The following SESTD1 variants were observed in gnomAD, a reference collection of about 807,000 sequenced individuals.
SESTD1 encodes SEC14 domain and spectrin repeat-containing protein 1.
A neutral mutation model predicts 101.7 loss-of-function variants in SESTD1; 43 were observed. The ratio of observed to expected loss-of-function variants is 0.42; its 90% confidence interval spans 0.33 to 0.55. The LOEUF (loss-of-function observed/expected upper bound fraction) is 0.55, where lower values mean the gene tolerates loss of function less well. SESTD1 is among the 20% of genes least tolerant of loss of function. The probability of loss-of-function intolerance (pLI) is 0.07; values close to 1 mark genes in which losing one functional copy is unlikely to be tolerated. For synonymous variants in SESTD1, 283 were observed against 286.8 expected, an observed-to-expected ratio of 0.99 and a Z score of 0.13; for missense variants, 647 against 815.1, an observed-to-expected ratio of 0.79 and a Z score of 2.51.
At chr2:179,188,081 CTAA>C (rs1395146913) in intron 2 of SESTD1, among the ~76,000 whole-genome samples, 1 of 152,084 alleles carries the variant, frequency 6.6e-6, no homozygotes, top group Admixed American at 6.5e-5. Context: ...CCAACTGGAC[CTAA>C]TAGACATCTA....
At chr2:179,152,738 C>A (rs1309537325) in intron 5 of SESTD1, among the ~76,000 whole-genome samples, 1 of 152,104 alleles carries the variant, frequency 6.6e-6, no homozygotes, top group Non-Finnish European at 1.5e-5. Flanking sequence ...TGAACTCTAT[C>A]AAATTTGAGT....
chr2:179,254,085 G>A (rs1417917048), intron 1 of SESTD1, among the ~76,000 whole-genome samples: 3 of 151,596 alleles, frequency 2.0e-5, no homozygotes, highest in Non-Finnish European at 4.4e-5. Context: ...GGGTGGCAGA[G>A]TGAGACCTTG....
Position 179,210,079 on chromosome 2 carries a change from G to C in SESTD1, c.-25-18213C>G, listed in dbSNP as rs2046632495. 3.8e-5 allele frequency among the ~76,000 whole-genome samples: 5 copies of C among 132,976 alleles called. 2 individuals carry two copies. The highest frequency in any genetic ancestry group is 3.6e-4 in the Admixed American group (5 of 13,700). The allele number at this position is 132,976 out of a possible 152,430, so 87.2% of individuals were successfully genotyped here. ...TGAACACCATTATGCACACAAACTA[G>C]AAAACCCAGAGGAGATGGGTAAATT... On this transcript the variant is annotated intron_variant, in intron 1 of 17. Coordinates refer to ENST00000428443, the MANE Select transcript of SESTD1 (RefSeq NM_178123.5).
intron 1 of SESTD1, among the ~76,000 whole-genome samples, chr2:179,198,126 A>C (rs190102895): frequency 1.8e-3 from 270 of 152,314 alleles, no homozygotes; most frequent in African/African-American, 6.4e-3. Flanking sequence ...TCTACCAAGC[A>C]AATGGAAAAC....
At chr2:179,170,890 T>C (rs2045919472) in intron 5 of SESTD1, among the ~76,000 whole-genome samples, 1 of 152,232 alleles carries the variant, frequency 6.6e-6, no homozygotes. Flanking sequence ...GCGCTCTGGA[T>C]CATTCTAGAC....
intron 4 of SESTD1, 28 bp from the exon 5 acceptor site, chr2:179,172,261 A>G (rs747184182): frequency 1.4e-6 from 2 of 1,406,244 alleles, no homozygotes; most frequent in Non-Finnish European, 2.0e-6. Flanking sequence ...ATAATTACAA[A>G]TTACACATGT....
At position 179,160,393 on chromosome 2, in the gene SESTD1, A is replaced by G. The variant is rs138992680; in HGVS notation, c.370-9002T>C. ...AGCTTTGAAAATCTTCAGTGAAGTG[A>G]TTAATGAGTAAGAAATAACACCGTG... On this transcript the variant is annotated intron_variant, in intron 5 of 17. Coordinates refer to ENST00000428443, the MANE Select transcript of SESTD1 (RefSeq NM_178123.5). Among the ~76,000 whole-genome samples, 279 of 152,270 alleles carry G rather than the reference A, an allele frequency of 1.8e-3. 1 individual carries two copies. The highest frequency in any genetic ancestry group is 6.4e-3 in the African/African-American group (265 of 41,584).
intron 1 of SESTD1, among the ~76,000 whole-genome samples, chr2:179,199,642 T>A (rs564185152): frequency 6.6e-6 from 1 of 152,290 alleles, no homozygotes; most frequent in Non-Finnish European, 1.5e-5. Flanking sequence ...GATGCAAGGC[T>A]GGTTCAATAT....
chr2:179,231,297 C>T (rs975360749), intron 1 of SESTD1, among the ~76,000 whole-genome samples: 4 of 151,784 alleles, frequency 2.6e-5, no homozygotes, highest in African/African-American at 9.7e-5. Flanking sequence ...GAGGATGAAA[C>T]AGACATAATG....
rs115485016 is a variant in SESTD1, at chr2:179,109,425, G to A, written c.*474C>T. On this transcript the variant is annotated 3_prime_UTR_variant, in exon 18 of 18. Transcript: ENST00000428443. Reference sequence around the variant, plus strand: ...AGATCTGAAAGGCTTTCTCTGTATTGACACAATAAAAATAATCAATTCTGA... The same window carrying A: ...AGATCTGAAAGGCTTTCTCTGTATTAACACAATAAAAATAATCAATTCTGA... 0.028 allele frequency: 8,787 copies of A among 315,408 alleles called. 179 individuals carry two copies. The highest frequency in any genetic ancestry group is 0.035 in the Non-Finnish European group (6,018 of 174,314). 19.5% of individuals were successfully genotyped at this position (315,408 alleles called of 1,614,324 possible). A position where few individuals can be genotyped will look rare whatever the true frequency, so the allele number is the denominator to read the frequency against.
intron 1 of SESTD1, among the ~76,000 whole-genome samples, chr2:179,197,458 A>C (rs182299175): frequency 1.1e-3 from 170 of 152,308 alleles, no homozygotes; most frequent in African/African-American, 3.9e-3. Context: ...AATACAGAGA[A>C]CACCACAAAG....
Position 179,112,502 on chromosome 2 carries a change from A to G in SESTD1, c.1961+222T>C, listed in dbSNP as rs187357113. ...TCTTAATCTAGTCAATGATCATTCTACAACAAGCTGTCAAGAAGTAACGCA... is the reference window on the plus strand; with the variant it reads ...TCTTAATCTAGTCAATGATCATTCTGCAACAAGCTGTCAAGAAGTAACGCA... On this transcript the variant is annotated intron_variant, in intron 17 of 17. Transcript: ENST00000428443. Among the ~76,000 whole-genome samples the G allele has an allele frequency of 1.8e-4, 27 of 152,348 alleles. 1 individual carries two copies. The highest frequency in any genetic ancestry group is 2.9e-4 in the Non-Finnish European group (20 of 68,036).
chr2:179,106,939 GAAAAA>G lies in SESTD1; in HGVS notation c.*2955_*2959del, dbSNP rs200458669. 1.4e-5 allele frequency: 2 copies of G among 145,284 alleles called. No homozygotes were observed. The highest frequency in any genetic ancestry group is 5.1e-5 in the African/African-American group (2 of 39,542). The allele number at this position is 145,284 out of a possible 1,614,324, so 9.0% of individuals were successfully genotyped here. A position where few individuals can be genotyped will look rare whatever the true frequency, so the allele number is the denominator to read the frequency against. On this transcript the variant is annotated 3_prime_UTR_variant, in exon 18 of 18. Transcript: ENST00000428443. ...ACACAGGAGCAAACAAATGATAAAA[GAAAAA>G]AAAAATCCTCAAACAAACAAAAAAA... is the stretch of plus-strand genomic sequence containing the variant.
chr2:179,113,712 G>T (rs1387074308), intron 16 of SESTD1, among the ~76,000 whole-genome samples: 1 of 151,928 alleles, frequency 6.6e-6, no homozygotes, highest in Non-Finnish European at 1.5e-5. Flanking sequence ...TTATGCTTAT[G>T]GTATAAAATA....
chr2:179,171,783 A>G (rs1291573230), intron 5 of SESTD1, among the ~76,000 whole-genome samples: 1 of 152,178 alleles, frequency 6.6e-6, no homozygotes, highest in Admixed American at 6.5e-5. Flanking sequence ...CTATAATTTC[A>G]ACTCCAAAAT....
chr2:179,193,107 G>GA (rs1247478992), intron 1 of SESTD1, among the ~76,000 whole-genome samples: 5 of 151,226 alleles, frequency 3.3e-5, no homozygotes, highest in Non-Finnish European at 7.4e-5. Flanking sequence ...TAGGGGGTGG[G>GA]AAAAAAAGGC....
chr2:179,134,469 C>T (rs905349758), intron 9 of SESTD1, among the ~76,000 whole-genome samples: 17 of 152,178 alleles, frequency 1.1e-4, no homozygotes, highest in Non-Finnish European at 2.4e-4. Flanking sequence ...AGCTAAGTAA[C>T]GTACTGCCTC....
rs963991425 is a variant in SESTD1 at position 179,116,591 on chromosome 2, G to A, written c.1647+77C>T. The A allele has an allele frequency of 9.3e-6, 15 of 1,605,082 alleles. No individual in the cohort carries two copies. The African/African-American group carries it at 1.3e-4, about 14-fold the overall frequency. On this transcript the variant is annotated intron_variant, in intron 15 of 17. Coordinates refer to ENST00000428443, the MANE Select transcript of SESTD1 (RefSeq NM_178123.5). ...AAACTAACCTTCTTGTACTTGGAAGGTAAAGTTACATTATAATCATGCAGA... is the reference window on the plus strand; with the variant it reads ...AAACTAACCTTCTTGTACTTGGAAGATAAAGTTACATTATAATCATGCAGA...
intron 4 of SESTD1, 54 bp from the exon 5 acceptor site, chr2:179,172,287 C>G: frequency 8.4e-7 from 1 of 1,191,132 alleles, no homozygotes; most frequent in Non-Finnish European, 1.2e-6. Context: ...GAATAATTTA[C>G]TAAATTTATA....
Sources: gnomAD v4.1 joint callset for allele counts (sites outside exome capture counted in the v4.1 genomes callset) on GRCh38, gnomAD v4.1.1 for gene constraint, MANE v1.5 for transcripts, NCBI Gene and HGNC (gene_info 2026-07-23, HGNC 2026-07-21) for gene names.